MED26: variants seen among roughly 807,000 people sequenced by gnomAD.
MED26 encodes the protein mediator of RNA polymerase II transcription subunit 26.
Under a neutral mutation model 43.7 loss-of-function variants are expected in MED26, and 7 were observed. The observed-to-expected ratio is 0.16, with a 90% CI of 0.09 to 0.30. The LOEUF is 0.30. Ranked by LOEUF, MED26 falls within the 10% of genes least tolerant of loss-of-function variation. The pLI is 1.00. For synonymous variants in MED26, 375 were observed against 371.1 expected, an observed-to-expected ratio of 1.01 and a Z score of -0.12; for missense variants, 784 against 840.6, an observed-to-expected ratio of 0.93 and a Z score of 0.83.
intron 1 of MED26, among the ~76,000 whole-genome samples, chr19:16,604,643 T>C (rs1220794969): frequency 6.6e-6 from 1 of 152,054 alleles, no homozygotes; most frequent in Non-Finnish European, 1.5e-5. Context: ...TCAGAGACAA[T>C]GGGTTGCAGA....
intron 1 of MED26, among the ~76,000 whole-genome samples, chr19:16,603,469 T>A (rs898646435): frequency 2.8e-4 from 42 of 150,486 alleles, no homozygotes; most frequent in African/African-American, 7.6e-4. Flanking sequence ...GGGCTTTTTT[T>A]AAAAAAAAAA....
At chr19:16,579,065 C>T (rs1303486258) in intron 1 of MED26, among the ~76,000 whole-genome samples, 3 of 152,150 alleles carry the variant, frequency 2.0e-5, no homozygotes, top group Non-Finnish European at 4.4e-5. Flanking sequence ...CACACCACTG[C>T]ACTCCAGCCT....
At chr19:16,626,536 T>C (rs895165693) in intron 1 of MED26, among the ~76,000 whole-genome samples, 13 of 152,194 alleles carry the variant, frequency 8.5e-5, no homozygotes, top group African/African-American at 3.1e-4. Context: ...AGTACTTATA[T>C]CACAGCAACC....
chr19:16,576,244 T>G lies in MED26; in HGVS notation c.1586A>C (p.His529Pro), dbSNP rs201627212. ...ESTRQGARQLHVLVPQSPPTD... is the reference protein window; with the variant it reads ...ESTRQGARQLPVLVPQSPPTD... ...GGGCGGGCTTTGAGGCACCAGCACA[T>G]GCAGCTGCCTGGCCCCTTGCCGGGT... The change falls in exon 3 of 3, where the codon CAT becomes CCT. Residue 529 changes from histidine (H) to proline (P), a missense_variant. Physicochemically the swap from His to Pro is moderately conservative, Grantham distance 77. Transcript: ENST00000263390. The surrounding 1 kb of genome is among the most constrained non-coding windows in gnomAD (Gnocchi z 6.8). 31 of 1,611,220 alleles carry G rather than the reference T, an allele frequency of 1.9e-5. No homozygotes were observed. The highest frequency in any genetic ancestry group is 2.5e-5 in the Non-Finnish European group (30 of 1,180,006).
intron 1 of MED26, among the ~76,000 whole-genome samples, chr19:16,604,294 A>G (rs1043161731): frequency 3.3e-5 from 5 of 152,230 alleles, no homozygotes; most frequent in Admixed American, 3.3e-4. Flanking sequence ...CCTGCACAGC[A>G]CAGGAAAATG....
chr19:16,627,337 G>A (rs1354569168), intron 1 of MED26, among the ~76,000 whole-genome samples: 2 of 152,208 alleles, frequency 1.3e-5, no homozygotes, highest in East Asian at 1.9e-4. Flanking sequence ...CCGGCCAGGG[G>A]CAAAACAGAC....
At position 16,576,917 on chromosome 19, in the gene MED26, G is replaced by A; in HGVS notation, c.913C>T (p.Gln305Ter). Residue 305 changes from glutamine to a stop codon, truncating the protein, a stop_gained, in exon 3 of 3, where the codon CAG (glutamine) becomes TAG (stop). Transcript: ENST00000263390. LOFTEE classifies it high-confidence loss of function. The surrounding 1 kb of genome is among the most constrained non-coding windows in gnomAD (Gnocchi z 6.8). The stretch of plus-strand genomic sequence containing the variant: ...GGCACCTGTGTGGCATCGAGTGCCT[G>A]GGGCCGCGGTGAGGGGCTGGGCACG... ...GSVPSPSPRP[Q>*]ALDATQVPSP... The A allele has an allele frequency of 6.3e-7, 1 of 1,598,268 alleles. No individual in the cohort carries two copies.
intron 1 of MED26, among the ~76,000 whole-genome samples, chr19:16,600,453 C>T (rs2086143408): frequency 6.6e-6 from 1 of 152,194 alleles, no homozygotes; most frequent in Non-Finnish European, 1.5e-5. Flanking sequence ...CCAGCAATCC[C>T]CCTATCCAAC....
At chr19:16,585,093 T>C (rs142043850) in intron 1 of MED26, among the ~76,000 whole-genome samples, 2 of 152,248 alleles carry the variant, frequency 1.3e-5, no homozygotes, top group East Asian at 3.9e-4. Context: ...ACCATCTATC[T>C]GGTGAGACCC....
At chr19:16,579,829 A>G (rs1187351214) in intron 1 of MED26, among the ~76,000 whole-genome samples, 2 of 152,188 alleles carry the variant, frequency 1.3e-5, no homozygotes, top group Admixed American at 6.5e-5. Flanking sequence ...TTTTTTTCCA[A>G]AAATATCCCT....
intron 1 of MED26, among the ~76,000 whole-genome samples, chr19:16,607,206 T>C (rs1351635893): frequency 6.6e-6 from 1 of 151,704 alleles, no homozygotes; most frequent in Non-Finnish European, 1.5e-5. Flanking sequence ...AAAATAAAAA[T>C]TTAAAAATTA....
chr19:16,591,092 T>G (rs866082418), intron 1 of MED26, among the ~76,000 whole-genome samples: 13 of 128,364 alleles, frequency 1.0e-4, no homozygotes, highest in Non-Finnish European at 1.5e-4. Context: ...AATAAATAAA[T>G]AAAGCTATTA....
chr19:16,619,856 AG>A (rs1355400683), intron 1 of MED26, among the ~76,000 whole-genome samples: 2 of 152,226 alleles, frequency 1.3e-5, no homozygotes, highest in Non-Finnish European at 2.9e-5. Context: ...TGGACAAAGC[AG>A]CACCCTACTT....
intron 1 of MED26, chr19:16,597,446 C>T (rs1049605118): frequency 3.0e-5 from 12 of 398,490 alleles, no homozygotes; most frequent in East Asian, 2.1e-4. Flanking sequence ...TGTTTCACAC[C>T]GCACTTCCTA....
chr19:16,585,434 G>A (rs1220258084), intron 1 of MED26, among the ~76,000 whole-genome samples: 2 of 152,136 alleles, frequency 1.3e-5, no homozygotes, highest in African/African-American at 4.8e-5. Flanking sequence ...GCAAGAAGGG[G>A]TGGGGGCTAG....
At position 16,607,751 on chromosome 19, in the gene MED26, C is replaced by T. The variant is rs79173158; in HGVS notation, c.72+20121G>A. Among the ~76,000 whole-genome samples, 1,027 of 152,286 alleles carry T rather than the reference C, an allele frequency of 6.7e-3. 13 individuals are homozygous for T. The highest frequency in any genetic ancestry group is 0.024 in the African/African-American group (984 of 41,560). Reference sequence around the variant, plus strand: ...TGAGATTTTTTTTTAAGCTCATTGGCTATCATCAGTGTTAGTGTATTTTAT... The same window carrying T: ...TGAGATTTTTTTTTAAGCTCATTGGTTATCATCAGTGTTAGTGTATTTTAT... On this transcript the variant is annotated intron_variant, in intron 1 of 2. Coordinates refer to ENST00000263390, the MANE Select transcript of MED26 (RefSeq NM_004831.5).
At chr19:16,613,940 C>T (rs904791428) in intron 1 of MED26, among the ~76,000 whole-genome samples, 1 of 152,174 alleles carries the variant, frequency 6.6e-6, no homozygotes, top group Non-Finnish European at 1.5e-5. Flanking sequence ...TCACTTCCCC[C>T]CTTCCAACCG....
At chr19:16,617,376 T>G (rs2086231169) in intron 1 of MED26, among the ~76,000 whole-genome samples, 1 of 152,156 alleles carries the variant, frequency 6.6e-6, no homozygotes, top group Non-Finnish European at 1.5e-5. Flanking sequence ...CCTGACTTAC[T>G]GTGGGCACTG....
chr19:16,619,491 G>C (rs917734839), intron 1 of MED26, among the ~76,000 whole-genome samples: 11 of 152,248 alleles, frequency 7.2e-5, no homozygotes, highest in African/African-American at 2.7e-4. Context: ...AAGTCATCAA[G>C]GGGATAAGAA....
Sources: allele counts gnomAD v4.1 joint callset (sites outside exome capture counted in the v4.1 genomes callset), GRCh38; gene constraint gnomAD v4.1.1; non-coding constraint Gnocchi (gnomAD v3.1); transcripts MANE v1.5; gene names NCBI Gene and HGNC (gene_info 2026-07-23, HGNC 2026-07-21).